CDH19: variants seen among roughly 807,000 people sequenced by gnomAD.
CDH19 encodes cadherin 19, also known as cadherin-19.
In CDH19, 67 loss-of-function variants were observed where a neutral mutation model predicts 64.2. That is an observed-to-expected ratio of 1.04 (90% CI 0.86 to 1.28). The LOEUF (loss-of-function observed/expected upper bound fraction) is 1.28. Ranked by LOEUF, CDH19 falls within the 50% of genes most tolerant of loss-of-function variation. The probability of loss-of-function intolerance (pLI) is 0.00; values close to 1 mark genes in which losing one functional copy is unlikely to be tolerated. For missense variants in CDH19, 1,030 were observed against 929.0 expected (o/e 1.11, Z -1.41); for synonymous variants, 346 against 319.3 (o/e 1.08, Z -0.89).
Position 66,535,666 on chromosome 18 carries a change from A to G in CDH19, c.1215-559T>C, listed in dbSNP as rs907377149. Among the ~76,000 whole-genome samples, 14 of 146,880 alleles carry G rather than the reference A, an allele frequency of 9.5e-5. 1 individual carries two copies. The East Asian group carries it at 2.7e-3, about 29-fold the overall frequency. The stretch of plus-strand genomic sequence containing the variant: ...ATATAATACATTATATATGATATAT[A>G]TTTTACATTTTATAACACATGACAT... On this transcript the variant is annotated intron_variant, in intron 7 of 11. Transcript: ENST00000262150.
intron 3 of CDH19, among the ~76,000 whole-genome samples, chr18:66,563,957 T>C (rs73966231): frequency 0.02 from 2,992 of 152,034 alleles, 109 homozygotes; most frequent in African/African-American, 0.068. Context: ...CAAACAATAT[T>C]ATATTTAGAA....
intron 3 of CDH19, among the ~76,000 whole-genome samples, chr18:66,562,377 C>T (rs1158284718): frequency 2.6e-5 from 4 of 151,872 alleles, no homozygotes; most frequent in African/African-American, 9.7e-5. Flanking sequence ...AGATTCCTCA[C>T]ATGTGCAGTT....
chr18:66,538,604 T>G (rs1340979856), intron 7 of CDH19, among the ~76,000 whole-genome samples: 1 of 151,994 alleles, frequency 6.6e-6, no homozygotes, highest in East Asian at 1.9e-4. Flanking sequence ...TGCATACAGG[T>G]TTTCATGTCA....
chr18:66,573,996 A>G (rs1385898358), intron 1 of CDH19, among the ~76,000 whole-genome samples: 4 of 151,670 alleles, frequency 2.6e-5, no homozygotes, highest in East Asian at 1.9e-4. Context: ...AAATTTTAAT[A>G]TAATAAAATA....
Position 66,504,716 on chromosome 18 carries a change from T to C in CDH19, c.*96A>G. 7.6e-7 allele frequency: 1 copy of C among 1,312,634 alleles called. No individual in the cohort carries two copies. Among genetic ancestry groups the C allele is most frequent in the Non-Finnish European group, 1.0e-6 (1 of 961,812 alleles). The allele number at this position is 1,312,634 out of a possible 1,614,324, so 81.3% of individuals were successfully genotyped here. Reference sequence around the variant, plus strand: ...ATCAGAAAACTCCATAGACTAGGGCTTTCCCCGCCATAGAGCCAGGGCACA... The same window carrying C: ...ATCAGAAAACTCCATAGACTAGGGCCTTCCCCGCCATAGAGCCAGGGCACA... On this transcript the variant is annotated 3_prime_UTR_variant, in exon 12 of 12. Transcript: ENST00000262150.
chr18:66,523,222 A>T (rs919308449), intron 9 of CDH19, among the ~76,000 whole-genome samples: 9 of 152,298 alleles, frequency 5.9e-5, no homozygotes, highest in South Asian at 2.1e-4. Context: ...GCTCGGTATC[A>T]GCCTGGTTCC....
chr18:66,593,340 T>C (rs921634667), intron 1 of CDH19, among the ~76,000 whole-genome samples: 1 of 151,980 alleles, frequency 6.6e-6, no homozygotes, highest in Non-Finnish European at 1.5e-5. Context: ...CTTAAAGAAA[T>C]AAATTGATAT....
intron 9 of CDH19, among the ~76,000 whole-genome samples, chr18:66,514,593 AT>A (rs1985650152): frequency 6.6e-6 from 1 of 151,468 alleles, no homozygotes; most frequent in African/African-American, 2.4e-5. Flanking sequence ...TATTTTGTAG[AT>A]TAAAGATGAC....
chr18:66,552,330 TTA>T (rs1363648030), intron 4 of CDH19, among the ~76,000 whole-genome samples: 1 of 152,090 alleles, frequency 6.6e-6, no homozygotes, highest in Non-Finnish European at 1.5e-5. Context: ...TAGTTTTGTA[TTA>T]TTTGTTGAAA....
At chr18:66,589,251 C>CATAT (rs540998156) in intron 1 of CDH19, among the ~76,000 whole-genome samples, 5 of 149,010 alleles carry the variant, frequency 3.4e-5, no homozygotes, top group African/African-American at 1.2e-4. Flanking sequence ...AATATATATA[C>CATAT]ATATATATAT....
At chr18:66,588,661 G>A (rs1231878615) in intron 1 of CDH19, among the ~76,000 whole-genome samples, 1 of 136,254 alleles carries the variant, frequency 7.3e-6, no homozygotes, top group East Asian at 2.1e-4. Flanking sequence ...ATTTATTTCA[G>A]TGTTTAATAT....
chr18:66,527,427 G>A (rs193064542), intron 9 of CDH19, among the ~76,000 whole-genome samples: 1 of 151,946 alleles, frequency 6.6e-6, no homozygotes, highest in Non-Finnish European at 1.5e-5. Flanking sequence ...CATAAATCTA[G>A]TAATATATTG....
At chr18:66,582,290 TA>T (rs1226415517) in intron 1 of CDH19, among the ~76,000 whole-genome samples, 1 of 152,098 alleles carries the variant, frequency 6.6e-6, no homozygotes, top group East Asian at 1.9e-4. Context: ...GGGGAAGACA[TA>T]AGTTGAAGCT....
At chr18:66,589,786 T>G (rs548891078) in intron 1 of CDH19, among the ~76,000 whole-genome samples, 1 of 152,082 alleles carries the variant, frequency 6.6e-6, no homozygotes, top group South Asian at 2.1e-4. Context: ...TATATATATG[T>G]TTGTGTTGTG....
chr18:66,504,362 C>A lies in CDH19; in HGVS notation c.*450G>T, dbSNP rs1598960385. ...GAATAATTCATGAAAATTTCTCTGACTATACATTTTCAATTTTCATGTCAA... is the reference window on the plus strand; with the variant it reads ...GAATAATTCATGAAAATTTCTCTGAATATACATTTTCAATTTTCATGTCAA... On this transcript the variant is annotated 3_prime_UTR_variant, in exon 12 of 12. Coordinates refer to ENST00000262150, the MANE Select transcript of CDH19 (RefSeq NM_021153.4). The A allele has an allele frequency of 1.4e-5, 2 of 139,226 alleles. No homozygotes were observed. The highest frequency in any genetic ancestry group is 1.5e-4 in the Admixed American group (2 of 13,096). The allele number at this position is 139,226 out of a possible 1,614,324, so 8.6% of individuals were successfully genotyped here.
At chr18:66,538,113 C>T (rs1034437277) in intron 7 of CDH19, among the ~76,000 whole-genome samples, 1 of 151,950 alleles carries the variant, frequency 6.6e-6, no homozygotes, top group African/African-American at 2.4e-5. Context: ...AAATAGTATC[C>T]ATGTAAAAAA....
rs1985340146 is a variant in CDH19, at chr18:66,509,044, G to A, written c.1779C>T (p.Phe593=). 2 of 1,612,704 alleles carry A rather than the reference G, an allele frequency of 1.2e-6. No individual in the cohort carries two copies. Among genetic ancestry groups the A allele is most frequent in the Non-Finnish European group, 1.7e-6 (2 of 1,179,262 alleles). Reference sequence around the variant, plus strand: ...GAATAGCAATGATGACTTCTGTCTTGAATCCCATGGAAAGCACAAGCTCCT... The same window carrying A: ...GAATAGCAATGATGACTTCTGTCTTAAATCCCATGGAAAGCACAAGCTCCT... ...QYQELVLSMG[F]KTEVIIAILI... Residue 593 remains phenylalanine (F), a synonymous_variant, in exon 11 of 12, where the codon TTC becomes TTT. Transcript: ENST00000262150.
intron 3 of CDH19, among the ~76,000 whole-genome samples, chr18:66,557,426 T>G (rs1987559400): frequency 6.6e-6 from 1 of 152,028 alleles, no homozygotes; most frequent in Admixed American, 6.6e-5. Flanking sequence ...TGTATTCTGT[T>G]AATAGATTAC....
intron 1 of CDH19, among the ~76,000 whole-genome samples, chr18:66,582,666 C>T (rs1599034306): frequency 6.8e-6 from 1 of 146,286 alleles, no homozygotes; most frequent in East Asian, 2.0e-4. Flanking sequence ...AAAAAAAGCC[C>T]TCTGGGACAG....
Sources: gnomAD v4.1 joint callset for allele counts (sites outside exome capture counted in the v4.1 genomes callset) on GRCh38, gnomAD v4.1.1 for gene constraint, MANE v1.5 for transcripts, NCBI Gene and HGNC (gene_info 2026-07-23, HGNC 2026-07-21) for gene names.